The following NRP2 variants were observed in gnomAD, a reference collection of about 807,000 sequenced individuals.
NRP2 encodes neuropilin-2.
NRP2 carries 52 observed loss-of-function variants against 110.4 expected under a neutral mutation model. The ratio of observed to expected loss-of-function variants is 0.47; its 90% CI spans 0.38 to 0.59. The LOEUF (loss-of-function observed/expected upper bound fraction) is 0.59, where lower values mean the gene tolerates loss of function less well. Among genes scored for constraint, NRP2 ranks in the 20% least tolerant of loss-of-function variants. The pLI is 0.00. For synonymous variants in NRP2, 508 were observed against 468.9 expected (o/e 1.08, Z -1.08); for missense variants, 1,049 against 1,203.0 (o/e 0.87, Z 1.89).
rs2058364960 is a variant in NRP2, at chr2:205,798,026, C to T, written c.*2968C>T. 2 of 152,556 alleles carry T rather than the reference C, an allele frequency of 1.3e-5. No homozygotes were observed. The highest frequency in any genetic ancestry group is 2.9e-5 in the Non-Finnish European group (2 of 68,032). 9.5% of individuals were successfully genotyped at this position (152,556 alleles called of 1,614,324 possible). A position where few individuals can be genotyped will look rare whatever the true frequency, so the allele number is the denominator to read the frequency against. On this transcript the variant is annotated 3_prime_UTR_variant, in exon 17 of 17. Transcript: ENST00000357785. ...GATCACGGGAACTTGAGAGCTTTTA[C>T]TGTGATTCTTCAATGTAAAAAATAA...
chr2:205,761,491 A>C (rs183750949), intron 12 of NRP2: 30 of 152,370 alleles, frequency 2.0e-4, no homozygotes, highest in African/African-American at 7.2e-4. Context: ...TCAGCAGTAC[A>C]GTCAGTAAAT....
intron 2 of NRP2, 71 bp downstream of exon 2, chr2:205,697,792 T>A: frequency 6.9e-7 from 1 of 1,455,566 alleles, no homozygotes; most frequent in Non-Finnish European, 9.6e-7. Context: ...CCCCTGCTCT[T>A]GTCACTTCTA....
At chr2:205,718,684 G>A (rs1377560553) in intron 3 of NRP2, among the ~76,000 whole-genome samples, 2 of 152,208 alleles carry the variant, frequency 1.3e-5, no homozygotes, top group African/African-American at 4.8e-5. Flanking sequence ...GCTCACACCT[G>A]TAATCCCAGC....
At chr2:205,711,151 C>G (rs2056789908) in intron 2 of NRP2, among the ~76,000 whole-genome samples, 2 of 152,186 alleles carry the variant, frequency 1.3e-5, no homozygotes, top group Non-Finnish European at 2.9e-5. Context: ...GCATTCTTCT[C>G]AACATGGAAC....
At chr2:205,705,774 C>G (rs1206767326) in intron 2 of NRP2, among the ~76,000 whole-genome samples, 1 of 152,038 alleles carries the variant, frequency 6.6e-6, no homozygotes, top group Non-Finnish European at 1.5e-5. Context: ...AGCCAGGCAG[C>G]CCAAAGCTGC....
In NRP2 at chr2:205,776,654, A is replaced by G. The variant is rs1332272182; in HGVS notation, c.2425+9851A>G. The G allele has an allele frequency of 3.2e-6, 5 of 1,565,948 alleles. No homozygotes were observed. In the African/African-American group the frequency reaches 4.0e-5, roughly 13 times the overall value. On this transcript the variant is annotated intron_variant, in intron 15 of 16. Coordinates refer to ENST00000357785, the MANE Select transcript of NRP2 (RefSeq NM_003872.3). ...CAGACATCTCTTTCCCGGATCCCCA[A>G]CCCTGAGCACTCTTATCAATCCCAA...
At chr2:205,741,291 C>G (rs913473990) in intron 8 of NRP2, among the ~76,000 whole-genome samples, 1 of 152,176 alleles carries the variant, frequency 6.6e-6, no homozygotes, top group African/African-American at 2.4e-5. Context: ...TTTGACCCAG[C>G]CTAGGAGCTC....
chr2:205,758,827 T>C (rs2057775671), intron 12 of NRP2, among the ~76,000 whole-genome samples: 1 of 152,218 alleles, frequency 6.6e-6, no homozygotes, highest in South Asian at 2.1e-4. Flanking sequence ...CAGGCAGGGC[T>C]GGTTCTTAGC....
chr2:205,766,900 T>C, intron 15 of NRP2, 97 bp downstream of exon 15: 1 of 1,165,724 alleles, frequency 8.6e-7, no homozygotes, highest in Non-Finnish European at 1.3e-6. Context: ...CCTCCAAATT[T>C]GTCAAATCTC....
chr2:205,776,860 C>T (rs2058108965), intron 15 of NRP2: 1 of 1,247,074 alleles, frequency 8.0e-7, no homozygotes, highest in Non-Finnish European at 1.0e-6. Flanking sequence ...GTTTTTTCCC[C>T]TTGCCTTATC....
At chr2:205,775,836 T>A (rs546898560) in intron 15 of NRP2, among the ~76,000 whole-genome samples, 35 of 152,210 alleles carry the variant, frequency 2.3e-4, no homozygotes, top group South Asian at 1.5e-3. Flanking sequence ...TGTGTGTGTG[T>A]GAGAGAGAGA....
chr2:205,753,491 G>A (rs897310183), intron 12 of NRP2, among the ~76,000 whole-genome samples: 1 of 152,176 alleles, frequency 6.6e-6, no homozygotes, highest in Non-Finnish European at 1.5e-5. Context: ...TAGCAGAGCT[G>A]CCTGGCACTT....
chr2:205,724,893 C>T (rs1281443631), intron 5 of NRP2, among the ~76,000 whole-genome samples: 3 of 152,078 alleles, frequency 2.0e-5, no homozygotes, highest in Admixed American at 6.5e-5. Flanking sequence ...TCTCGAACTC[C>T]TGCCCTCAAG....
At chr2:205,723,165 C>A (rs1324701885) in intron 4 of NRP2, among the ~76,000 whole-genome samples, 1 of 152,120 alleles carries the variant, frequency 6.6e-6, no homozygotes, top group Non-Finnish European at 1.5e-5. Flanking sequence ...ATCATTATTA[C>A]TATAATTTTA....
intron 15 of NRP2, chr2:205,778,371 A>G (rs1219609397): frequency 6.6e-6 from 1 of 152,130 alleles, no homozygotes; most frequent in African/African-American, 2.4e-5. Flanking sequence ...ACTCTATTTC[A>G]AAGAGCTACT....
chr2:205,771,239 A>G (rs1392460909), intron 15 of NRP2, among the ~76,000 whole-genome samples: 1 of 152,168 alleles, frequency 6.6e-6, no homozygotes, highest in Non-Finnish European at 1.5e-5. Context: ...CCATGCTCAT[A>G]AGGCAGATGG....
intron 2 of NRP2, among the ~76,000 whole-genome samples, chr2:205,700,204 G>A (rs977390920): frequency 2.0e-5 from 3 of 152,144 alleles, no homozygotes; most frequent in Admixed American, 6.5e-5. Flanking sequence ...CTTCCATACT[G>A]CATTTTCGTT....
chr2:205,793,101 C>A (rs932624371), intron 16 of NRP2, among the ~76,000 whole-genome samples: 1 of 152,182 alleles, frequency 6.6e-6, no homozygotes, highest in Non-Finnish European at 1.5e-5. Flanking sequence ...CCAAACAGCA[C>A]CTTGTTAACT....
In NRP2 at chr2:205,716,317, T is replaced by G. The variant is rs1276785110; in HGVS notation, c.376T>G (p.Ser126Ala). ...CTCCATGCTCTACATCAAGTTCACC[T>G]CCGACTACGCCCGGCAGGGGGCAGG... ...SGSMLYIKFT[S>A]DYARQGAGFS... The change falls in exon 3 of 17, where the codon TCC (serine) becomes GCC (alanine). Residue 126 changes from serine (S) to alanine (A), a missense_variant. Ser to Ala is a moderately conservative substitution (Grantham distance 99). Coordinates refer to ENST00000357785, the MANE Select transcript of NRP2 (RefSeq NM_003872.3). 6.2e-7 allele frequency: 1 copy of G among 1,614,112 alleles called. No homozygotes were observed. The highest frequency in any genetic ancestry group is 1.7e-5 in the Admixed American group (1 of 60,010).
Sources: gnomAD v4.1 joint callset for allele counts (sites outside exome capture counted in the v4.1 genomes callset) on GRCh38, gnomAD v4.1.1 for gene constraint, MANE v1.5 for transcripts, NCBI Gene and HGNC (gene_info 2026-07-23, HGNC 2026-07-21) for gene names.